PAPPA2: variants seen among roughly 807,000 people sequenced by gnomAD.
PAPPA2 encodes the protein pappalysin-2.
In PAPPA2, 86 loss-of-function variants were observed where a neutral mutation model predicts 176.4. That is an observed-to-expected ratio of 0.49 (90% CI 0.41 to 0.58). The LOEUF (loss-of-function observed/expected upper bound fraction) is 0.58. Among genes scored for constraint, PAPPA2 ranks in the 20% least tolerant of loss-of-function variants. PAPPA2 has a pLI of 0.00. For synonymous variants in PAPPA2, 809 were observed against 852.2 expected (o/e 0.95, Z 0.88); for missense variants, 2,073 against 2,256.9 (o/e 0.92, Z 1.65).
chr1:176,742,471 A>G (rs562467932), intron 14 of PAPPA2, among the ~76,000 whole-genome samples: 1 of 152,186 alleles, frequency 6.6e-6, no homozygotes, highest in Non-Finnish European at 1.5e-5. Flanking sequence ...TTTCATATGC[A>G]TGCATGCAAA....
intron 1 of PAPPA2, among the ~76,000 whole-genome samples, chr1:176,509,034 T>C (rs912344597): frequency 1.3e-5 from 2 of 152,010 alleles, no homozygotes; most frequent in African/African-American, 4.8e-5. Flanking sequence ...ATATATATGT[T>C]AGATGAAATA....
intron 14 of PAPPA2, among the ~76,000 whole-genome samples, chr1:176,743,461 A>G (rs185685084): frequency 4.6e-5 from 7 of 152,288 alleles, no homozygotes; most frequent in Non-Finnish European, 7.4e-5. Flanking sequence ...CCAGTGCTCA[A>G]GAAGAGCTTA....
intron 3 of PAPPA2, among the ~76,000 whole-genome samples, chr1:176,622,135 T>G (rs1484424067): frequency 6.6e-6 from 1 of 152,168 alleles, no homozygotes; most frequent in Non-Finnish European, 1.5e-5. Context: ...CATTTCATAG[T>G]GCTTCTGAGA....
chr1:176,755,201 A>C (rs1663357695), intron 14 of PAPPA2, among the ~76,000 whole-genome samples: 1 of 152,132 alleles, frequency 6.6e-6, no homozygotes, highest in South Asian at 2.1e-4. Context: ...GGAGTCTAGA[A>C]ATTTACAAGG....
chr1:176,470,719 A>G (rs951014727), intron 1 of PAPPA2, among the ~76,000 whole-genome samples: 1 of 152,198 alleles, frequency 6.6e-6, no homozygotes, highest in Non-Finnish European at 1.5e-5. Context: ...AAAAATGTGA[A>G]ATAAAAACAC....
At chr1:176,790,769 T>G (rs772578231) in intron 18 of PAPPA2, among the ~76,000 whole-genome samples, 27 of 152,224 alleles carry the variant, frequency 1.8e-4, no homozygotes, top group Non-Finnish European at 3.2e-4. Flanking sequence ...CTACTCTCTA[T>G]GTTCTAGATA....
chr1:176,513,776 C>T (rs1648751221), intron 1 of PAPPA2, among the ~76,000 whole-genome samples: 1 of 152,160 alleles, frequency 6.6e-6, no homozygotes, highest in South Asian at 2.1e-4. Flanking sequence ...TTATATACTA[C>T]ATCCTCTGTT....
chr1:176,799,096 C>T (rs1480654508), intron 20 of PAPPA2, among the ~76,000 whole-genome samples: 1 of 152,088 alleles, frequency 6.6e-6, no homozygotes, highest in Non-Finnish European at 1.5e-5. Flanking sequence ...TATTCTTTTT[C>T]TTCTGAGTGC....
rs544830690 is a variant in PAPPA2, at chr1:176,728,544, T to A, written c.3799-11082T>A. 2.0e-5 allele frequency among the ~76,000 whole-genome samples: 3 copies of A among 152,044 alleles called. No homozygotes were observed. The South Asian group carries it at 6.2e-4, about 32-fold the overall frequency. ...CTTGAATAAATGAAGAGGCACAAAC[T>A]GGTCCTGTATAGAAAGACTCAATAT... On this transcript the variant is annotated intron_variant, in intron 12 of 22. Coordinates refer to ENST00000367662, the MANE Select transcript of PAPPA2 (RefSeq NM_020318.3).
At chr1:176,689,431 C>G (rs1002429453) in intron 4 of PAPPA2, among the ~76,000 whole-genome samples, 1 of 152,194 alleles carries the variant, frequency 6.6e-6, no homozygotes, top group Non-Finnish European at 1.5e-5. Flanking sequence ...GTGATTGTGA[C>G]ATTCTCAATT....
intron 3 of PAPPA2, among the ~76,000 whole-genome samples, chr1:176,667,597 G>A (rs1021388635): frequency 4.6e-5 from 7 of 152,120 alleles, no homozygotes; most frequent in Non-Finnish European, 1.0e-4. Flanking sequence ...CAGGTCAAAG[G>A]TGATATTCCC....
At chr1:176,497,812 A>G (rs772605516) in intron 1 of PAPPA2, among the ~76,000 whole-genome samples, 3 of 152,132 alleles carry the variant, frequency 2.0e-5, no homozygotes, top group Admixed American at 6.5e-5. Context: ...TGCATGTACT[A>G]TCATTTTTTC....
chr1:176,712,026 CAT>C (rs766629127), intron 12 of PAPPA2, 45 bp downstream of exon 12: 12 of 1,553,866 alleles, frequency 7.7e-6, no homozygotes, highest in East Asian at 4.6e-5. Context: ...AAGGTGTAAG[CAT>C]ATGTGTGTGT....
intron 2 of PAPPA2, among the ~76,000 whole-genome samples, chr1:176,587,134 TTTG>T (rs1393681948): frequency 2.6e-5 from 4 of 152,016 alleles, no homozygotes; most frequent in African/African-American, 9.7e-5. Flanking sequence ...TGATGGGTTG[TTTG>T]TTTTTTTTTT....
chr1:176,688,691 G>T (rs1033717205), intron 4 of PAPPA2, among the ~76,000 whole-genome samples: 2 of 152,192 alleles, frequency 1.3e-5, no homozygotes, highest in African/African-American at 4.8e-5. Flanking sequence ...GGCATGGCTT[G>T]GGTAATGTCA....
chr1:176,723,997 T>C lies in PAPPA2; in HGVS notation c.3798+12016T>C, dbSNP rs1416490734. 2.0e-5 allele frequency among the ~76,000 whole-genome samples: 3 copies of C among 152,144 alleles called. No homozygotes were observed. In the East Asian group the frequency reaches 5.8e-4, roughly 29 times the overall value. On this transcript the variant is annotated intron_variant, in intron 12 of 22. Transcript: ENST00000367662. The stretch of plus-strand genomic sequence containing the variant: ...AAAGACTCAAAGTGCTTTTTCTACA[T>C]CACTCAAGAATAAAATAATAAATCT...
Position 176,480,375 on chromosome 1 carries a change from G to T in PAPPA2, c.-917+16957G>T, listed in dbSNP as rs904984823. Among the ~76,000 whole-genome samples, 4 of 152,188 alleles carry T rather than the reference G, an allele frequency of 2.6e-5. No individual in the cohort carries two copies. The South Asian group carries it at 6.2e-4, about 24-fold the overall frequency. ...GGGCAGGCTGACCTGGAATGAGCTG[G>T]CAGGCCTGATTCCAGTCCTGAGGGA... On this transcript the variant is annotated intron_variant, in intron 1 of 22. Transcript: ENST00000367662.
chr1:176,487,093 C>A (rs1040507078), intron 1 of PAPPA2, among the ~76,000 whole-genome samples: 2 of 152,142 alleles, frequency 1.3e-5, no homozygotes, highest in African/African-American at 2.4e-5. Flanking sequence ...AGTCCAGCAC[C>A]CTCAGATAAT....
chr1:176,588,044 G>A (rs536582221), intron 2 of PAPPA2, among the ~76,000 whole-genome samples: 2 of 152,282 alleles, frequency 1.3e-5, no homozygotes, highest in East Asian at 1.9e-4. Context: ...TATCCATGAG[G>A]ATGGAATGTT....
Sources: gnomAD v4.1 joint callset for allele counts (sites outside exome capture counted in the v4.1 genomes callset) on GRCh38, gnomAD v4.1.1 for gene constraint, MANE v1.5 for transcripts, NCBI Gene and HGNC (gene_info 2026-07-23, HGNC 2026-07-21) for gene names.